TOR3A: variants seen among roughly 807,000 people sequenced by gnomAD.
TOR3A encodes torsin-3A.
TOR3A carries 44 observed loss-of-function variants against 42.1 expected under a neutral mutation model. That is an observed-to-expected ratio of 1.04 (90% CI 0.82 to 1.34). The LOEUF (loss-of-function observed/expected upper bound fraction) is 1.34, where lower values mean the gene tolerates loss of function less well. Among genes scored for constraint, TOR3A ranks in the 40% most tolerant of loss-of-function variants. The pLI is 0.00. For missense variants in TOR3A, 521 were observed against 507.6 expected (o/e 1.03, Z -0.25); for synonymous variants, 227 against 213.2 (o/e 1.06, Z -0.57).
rs759208297 is a variant in TOR3A, at chr1:179,095,161, CT to C, written c.1141del (p.Ser381LeufsTer20). On this transcript the variant is annotated frameshift_variant, in exon 6 of 6. Coordinates refer to ENST00000367627, the MANE Select transcript of TOR3A (RefSeq NM_022371.4). LOFTEE classifies it high-confidence loss of function. Reference protein sequence around the residue: ...MVYVPKEEQLFSSQGCKSISQ... With the variant: ...MVYVPKEEQLXSSQGCKSISQ... ...TGTATGTCCCCAAGGAGGAACAACTCTTTTCTTCCCAGGGCTGCAAGTCTAT... is the reference window on the plus strand; with the variant it reads ...TGTATGTCCCCAAGGAGGAACAACTCTTTCTTCCCAGGGCTGCAAGTCTAT... The C allele has an allele frequency of 5.6e-6, 9 of 1,614,050 alleles. No individual in the cohort carries two copies. In the African/African-American group the frequency reaches 1.1e-4, roughly 19 times the overall value.
chr1:179,088,181 C>A (rs1652487625), intron 4 of TOR3A, 92 bp downstream of exon 4: 1 of 1,355,708 alleles, frequency 7.4e-7, no homozygotes, highest in Non-Finnish European at 9.9e-7. Flanking sequence ...GGTTCAGAAC[C>A]TTTCCTCAAG....
chr1:179,084,359 TG>T (rs2102541586), intron 2 of TOR3A, among the ~76,000 whole-genome samples: 1 of 152,296 alleles, frequency 6.6e-6, no homozygotes, highest in Non-Finnish European at 1.5e-5. Flanking sequence ...CCCGAGTGGC[TG>T]GGATTATAGG....
rs1174096965 is a variant in TOR3A at position 179,085,660 on chromosome 1, G to A, written c.406G>A (p.Gly136Ser). ...GTGGGACCTGAATGTGCGGCTGCAT[G>A]GCCAGCATTTGGTCCAGCAGCTGGT... Reference protein sequence around the residue: ...LEWDLNVRLHGQHLVQQLVLR... With the variant: ...LEWDLNVRLHSQHLVQQLVLR... Residue 136 changes from glycine to serine, a missense_variant, in exon 3 of 6, where the codon GGC (glycine) becomes AGC (serine). Transcript: ENST00000367627. 1.2e-6 allele frequency: 2 copies of A among 1,614,154 alleles called. No homozygotes were observed. Among genetic ancestry groups the A allele is most frequent in the Admixed American group, 3.3e-5 (2 of 60,016 alleles).
At chr1:179,088,126 G>T in intron 4 of TOR3A, 37 bp downstream of exon 4, 4 of 1,518,896 alleles carry the variant, frequency 2.6e-6, no homozygotes, top group South Asian at 1.3e-5. Context: ...AGGGCTGGGG[G>T]AGGGGAAGAT....
chr1:179,083,013 C>T lies in TOR3A; in HGVS notation c.333C>T (p.Cys111=). 2 of 1,585,004 alleles carry T rather than the reference C, an allele frequency of 1.3e-6. No homozygotes were observed. The highest frequency in any genetic ancestry group is 1.7e-6 in the Non-Finnish European group (2 of 1,166,240). The change falls in exon 2 of 6, where the codon TGC becomes TGT. Residue 111 remains cysteine, a synonymous_variant. Transcript: ENST00000367627. ...LTTWYCSFKD[C]CPRGDCRISN... is the part of the protein sequence containing the mutation. ...CGTGGTACTGCAGCTTCAAAGACTGCTGCCCTAGAGGGGATTGCAGAATCT... is the reference window on the plus strand; with the variant it reads ...CGTGGTACTGCAGCTTCAAAGACTGTTGCCCTAGAGGGGATTGCAGAATCT...
intron 2 of TOR3A, among the ~76,000 whole-genome samples, chr1:179,085,066 C>T (rs1275757624): frequency 6.6e-6 from 1 of 152,214 alleles, no homozygotes; most frequent in African/African-American, 2.4e-5. Flanking sequence ...TGGGTATCTG[C>T]AGGATCTTTA....
At chr1:179,094,067 G>A in intron 4 of TOR3A, 26 bp from the exon 5 acceptor site, 3 of 1,606,882 alleles carry the variant, frequency 1.9e-6, no homozygotes, top group South Asian at 2.2e-5. Flanking sequence ...TAAACAAATG[G>A]GTTAACAAGC....
intron 4 of TOR3A, among the ~76,000 whole-genome samples, chr1:179,091,307 T>G (rs1652575367): frequency 2.6e-5 from 4 of 152,134 alleles, no homozygotes; most frequent in Admixed American, 2.0e-4. Flanking sequence ...GCAGATGAGC[T>G]GGGAGGCTGT....
chr1:179,087,896 C>CT lies in TOR3A; in HGVS notation c.640-14dup. On this transcript the variant is annotated splice_polypyrimidine_tract_variant and intron_variant, in intron 3 of 5. Transcript: ENST00000367627. ...GAGTCACCACTTCCCCAGCTGCTCC[C>CT]TATATCCCGTGCAGGAGCAGCTGAT... is the stretch of plus-strand genomic sequence containing the variant. 1 of 1,559,290 alleles carries CT rather than the reference C, an allele frequency of 6.4e-7. No homozygotes were observed. Among genetic ancestry groups the CT allele is most frequent in the Non-Finnish European group, 8.7e-7 (1 of 1,154,358 alleles).
At chr1:179,090,688 G>A (rs11811579) in intron 4 of TOR3A, among the ~76,000 whole-genome samples, 3,156 of 152,204 alleles carry the variant, frequency 0.021, 56 homozygotes, top group Middle Eastern at 0.044. Context: ...TCCTTCATCC[G>A]GGCCAGGGAA....
chr1:179,095,419 C>CAA lies in TOR3A; in HGVS notation c.*201_*202insAA. ...AATCCTTTTTCTTTTTTTTGGAGGT[C>CAA]CCACCGAGATAGATAGGAACTTGGA... On this transcript the variant is annotated 3_prime_UTR_variant, in exon 6 of 6. Coordinates refer to ENST00000367627, the MANE Select transcript of TOR3A (RefSeq NM_022371.4). 7.7e-7 allele frequency: 1 copy of CAA among 1,305,618 alleles called. No homozygotes were observed. The highest frequency in any genetic ancestry group is 9.7e-7 in the Non-Finnish European group (1 of 1,028,844). The allele number at this position is 1,305,618 out of a possible 1,614,324, so 80.9% of individuals were successfully genotyped here. A position where few individuals can be genotyped will look rare whatever the true frequency, so the allele number is the denominator to read the frequency against.
intron 4 of TOR3A, among the ~76,000 whole-genome samples, chr1:179,092,940 G>T (rs1417700014): frequency 1.3e-5 from 2 of 152,196 alleles, no homozygotes; most frequent in Non-Finnish European, 2.9e-5. Context: ...GGGAGGTGGA[G>T]GCTGCAGTGA....
chr1:179,095,114 G>A lies in TOR3A; in HGVS notation c.1090G>A (p.Asp364Asn), dbSNP rs1652698679. 1.2e-6 allele frequency: 2 copies of A among 1,614,074 alleles called. No individual in the cohort carries two copies. Among genetic ancestry groups the A allele is most frequent in the Non-Finnish European group, 8.5e-7 (1 of 1,180,050 alleles). ...QELLYKEETL[D>N]EIAQMMVYVP... ...GCTCCTGTATAAAGAAGAGACACTG[G>A]ATGAAATAGCCCAGATGATGGTGTA... The change falls in exon 6 of 6, where the codon GAT (aspartate) becomes AAT (asparagine). Residue 364 changes from aspartate to asparagine, a missense_variant. By Grantham distance (23) the Asp-to-Asn change is conservative. Transcript: ENST00000367627.
intron 3 of TOR3A, among the ~76,000 whole-genome samples, chr1:179,086,405 G>A (rs925210931): frequency 5.9e-5 from 9 of 152,186 alleles, no homozygotes; most frequent in Admixed American, 4.6e-4. Flanking sequence ...GGTGGCTCAC[G>A]CCTGTAATCC....
chr1:179,084,414 AG>A (rs1191681072), intron 2 of TOR3A, among the ~76,000 whole-genome samples: 1 of 151,780 alleles, frequency 6.6e-6, no homozygotes, highest in Non-Finnish European at 1.5e-5. Flanking sequence ...TTTAGTAGAG[AG>A]GGGGTTCACC....
intron 4 of TOR3A, 149 bp downstream of exon 4, chr1:179,088,238 T>C: frequency 1.1e-6 from 1 of 882,142 alleles, no homozygotes; most frequent in Non-Finnish European, 1.6e-6. Context: ...CCAGCTGTGG[T>C]AGCTCACGCC....
At chr1:179,091,162 T>G (rs755650997) in intron 4 of TOR3A, among the ~76,000 whole-genome samples, 29 of 152,212 alleles carry the variant, frequency 1.9e-4, no homozygotes, top group Non-Finnish European at 4.1e-4. Flanking sequence ...TGGTGAGGCC[T>G]GAAGTCCCCT....
intron 2 of TOR3A, among the ~76,000 whole-genome samples, chr1:179,083,562 TCTG>T (rs1261817240): frequency 4.5e-5 from 5 of 110,816 alleles, no homozygotes; most frequent in African/African-American, 1.8e-4. Flanking sequence ...CCGGCTAATT[TCTG>T]TATTTTTAGT....
intron 4 of TOR3A, 102 bp from the exon 5 acceptor site, chr1:179,093,991 C>T: frequency 7.0e-7 from 1 of 1,435,964 alleles, no homozygotes. Context: ...CGCCCCTCAG[C>T]CTCTATTCTT....
Sources: gnomAD v4.1 joint callset for allele counts (sites outside exome capture counted in the v4.1 genomes callset) on GRCh38, gnomAD v4.1.1 for gene constraint, MANE v1.5 for transcripts, NCBI Gene and HGNC (gene_info 2026-07-23, HGNC 2026-07-21) for gene names.